DNAJC24: variants seen among roughly 807,000 people sequenced by gnomAD.
The protein encoded by DNAJC24 is DnaJ heat shock protein family (Hsp40) member C24.
A neutral mutation model predicts 18.0 loss-of-function variants in DNAJC24; 17 were observed. The observed-to-expected ratio is 0.94, with a 90% CI of 0.65 to 1.42. DNAJC24 has a LOEUF of 1.42. Ranked by LOEUF, DNAJC24 falls within the 40% of genes most tolerant of loss-of-function variation. The pLI, the probability that DNAJC24 is intolerant of heterozygous loss-of-function variation, is 0.00. For synonymous variants in DNAJC24, 55 were observed against 57.7 expected, an observed-to-expected ratio of 0.95 and a Z score of 0.21; for missense variants, 158 against 175.6, an observed-to-expected ratio of 0.90 and a Z score of 0.57.
At chr11:31,395,409 C>T (rs1474147052) in intron 2 of DNAJC24, among the ~76,000 whole-genome samples, 1 of 152,038 alleles carries the variant, frequency 6.6e-6, no homozygotes, top group Non-Finnish European at 1.5e-5. Context: ...TGGTTTTATA[C>T]CCAATAATGG....
At chr11:31,421,007 A>C (rs1176514512) in intron 3 of DNAJC24, among the ~76,000 whole-genome samples, 1 of 152,148 alleles carries the variant, frequency 6.6e-6, no homozygotes, top group Non-Finnish European at 1.5e-5. Flanking sequence ...CAAGTTCATA[A>C]TCAGGTTCCA....
chr11:31,391,678 AT>A (rs1952498047), intron 2 of DNAJC24, among the ~76,000 whole-genome samples: 1 of 152,204 alleles, frequency 6.6e-6, no homozygotes, highest in Admixed American at 6.5e-5. Context: ...TGCAACCAGT[AT>A]GGAGAACAGT....
intron 4 of DNAJC24, among the ~76,000 whole-genome samples, chr11:31,428,156 C>T (rs1420887893): frequency 6.6e-6 from 1 of 151,818 alleles, no homozygotes; most frequent in Non-Finnish European, 1.5e-5. Context: ...AGGAAATATA[C>T]AACAAAAAAT....
At chr11:31,414,756 T>C in intron 2 of DNAJC24, 55 bp from the exon 3 acceptor site, 1 of 1,531,232 alleles carries the variant, frequency 6.5e-7, no homozygotes, top group East Asian at 2.4e-5. Flanking sequence ...TTTTTAAATC[T>C]AACCCCACTC....
intron 2 of DNAJC24, among the ~76,000 whole-genome samples, chr11:31,378,583 A>G (rs771815311): frequency 5.9e-5 from 9 of 152,178 alleles, no homozygotes; most frequent in Middle Eastern, 3.2e-3. Flanking sequence ...GCAGCAAGAA[A>G]TTATGACACA....
chr11:31,386,930 C>G (rs1952435999), intron 2 of DNAJC24, among the ~76,000 whole-genome samples: 1 of 151,760 alleles, frequency 6.6e-6, no homozygotes, highest in African/African-American at 2.4e-5. Flanking sequence ...AGTCTGTAGG[C>G]TTTGAGTGAA....
At chr11:31,425,889 T>C (rs565264608) in intron 3 of DNAJC24, among the ~76,000 whole-genome samples, 1 of 152,284 alleles carries the variant, frequency 6.6e-6, no homozygotes, top group East Asian at 1.9e-4. Flanking sequence ...GTTCAGATAG[T>C]TATTTTTATC....
At chr11:31,371,875 G>A (rs893317134) in intron 2 of DNAJC24, among the ~76,000 whole-genome samples, 1 of 139,872 alleles carries the variant, frequency 7.1e-6, no homozygotes, top group Non-Finnish European at 1.5e-5. Context: ...CCAGGCTAGG[G>A]TGCAATGGTG....
chr11:31,405,528 A>C (rs1952648935), intron 2 of DNAJC24, among the ~76,000 whole-genome samples: 8 of 152,002 alleles, frequency 5.3e-5, no homozygotes, highest in Admixed American at 5.2e-4. Flanking sequence ...CCCAGGCTGG[A>C]GTATAGTGGT....
rs1226208179 is a variant in DNAJC24 at position 31,430,300 on chromosome 11, TGTG to T, written c.354_356del (p.Gly119del). On this transcript the variant is annotated inframe_deletion, in exon 5 of 5. Transcript: ENST00000465995. ...TCACTCTTTTTATCTGAGTTGCAGA[TGTG>T]GTGGAAAATACAGTGTTTCCAAGGA... 1.9e-6 allele frequency: 3 copies of T among 1,610,670 alleles called. No individual in the cohort carries two copies. Among genetic ancestry groups the T allele is most frequent in the Non-Finnish European group, 2.5e-6 (3 of 1,177,812 alleles).
chr11:31,403,431 A>G (rs1336649951), intron 2 of DNAJC24, among the ~76,000 whole-genome samples: 4 of 152,222 alleles, frequency 2.6e-5, no homozygotes, highest in Non-Finnish European at 4.4e-5. Flanking sequence ...ACATCAACAC[A>G]TGAAGTATAT....
chr11:31,393,546 G>T (rs1353812259), intron 2 of DNAJC24, among the ~76,000 whole-genome samples: 1 of 152,062 alleles, frequency 6.6e-6, no homozygotes, highest in East Asian at 1.9e-4. Flanking sequence ...GGCAAGTTCA[G>T]TTCCCTCTTA....
chr11:31,430,201 C>T lies in DNAJC24; in HGVS notation c.320-70C>T, dbSNP rs2133510522. 5.2e-6 allele frequency: 7 copies of T among 1,351,972 alleles called. No homozygotes were observed. The South Asian group carries it at 9.3e-5, about 18-fold the overall frequency. The allele number at this position is 1,351,972 out of a possible 1,614,324, so 83.7% of individuals were successfully genotyped here. ...TACAATTCCTATGGAATAAACTCTG[C>T]ACCTTTTAAGGGTATTAGTGAGGTA... On this transcript the variant is annotated intron_variant, in intron 4 of 4. Transcript: ENST00000465995.
chr11:31,410,248 G>T (rs1040691573), intron 2 of DNAJC24, among the ~76,000 whole-genome samples: 1 of 151,984 alleles, frequency 6.6e-6, no homozygotes, highest in African/African-American at 2.4e-5. Flanking sequence ...ATTTTAATTT[G>T]CATTTTCCTA....
intron 2 of DNAJC24, among the ~76,000 whole-genome samples, chr11:31,410,388 T>C (rs1259253061): frequency 1.3e-5 from 2 of 152,236 alleles, no homozygotes; most frequent in East Asian, 3.8e-4. Context: ...GTTTTGTCTT[T>C]TTATCATTGA....
intron 2 of DNAJC24, among the ~76,000 whole-genome samples, chr11:31,379,680 G>A (rs901208093): frequency 6.6e-6 from 1 of 152,054 alleles, no homozygotes; most frequent in African/African-American, 2.4e-5. Context: ...AAATGTCATC[G>A]TTGATAATGC....
chr11:31,382,789 T>C (rs1269555450), intron 2 of DNAJC24, among the ~76,000 whole-genome samples: 1 of 152,176 alleles, frequency 6.6e-6, no homozygotes, highest in African/African-American at 2.4e-5. Flanking sequence ...TGACACTGTT[T>C]ACCTGGAGTC....
At chr11:31,388,261 A>C (rs573423248) in intron 2 of DNAJC24, among the ~76,000 whole-genome samples, 8 of 152,270 alleles carry the variant, frequency 5.3e-5, no homozygotes, top group African/African-American at 1.7e-4. Context: ...CAAGTACAAG[A>C]AGGTTATAGA....
intron 2 of DNAJC24, among the ~76,000 whole-genome samples, chr11:31,378,960 T>A (rs75210645): frequency 0.025 from 3,860 of 152,296 alleles, 82 homozygotes; most frequent in Non-Finnish European, 0.034. Context: ...CCAGTAAAAT[T>A]GTGCTAGGAC....
Sources: gnomAD v4.1 joint callset for allele counts (sites outside exome capture counted in the v4.1 genomes callset) on GRCh38, gnomAD v4.1.1 for gene constraint, MANE v1.5 for transcripts, NCBI Gene and HGNC (gene_info 2026-07-23, HGNC 2026-07-21) for gene names.